Variants in ABCC4 observed in about 807,000 individuals in gnomAD.
ABCC4 encodes ATP-binding cassette sub-family C member 4.
A neutral mutation model predicts 168.5 loss-of-function variants in ABCC4; 102 were observed. The ratio of observed to expected loss-of-function variants is 0.61; its 90% CI spans 0.52 to 0.71. The LOEUF is 0.71. ABCC4 is among the 30% of genes least tolerant of loss of function. The pLI is 0.00. For missense variants in ABCC4, 1,402 were observed against 1,605.8 expected (o/e 0.87, Z 2.17); for synonymous variants, 617 against 590.7 (o/e 1.04, Z -0.65).
rs369259439 is a variant in ABCC4 at position 95,209,554 on chromosome 13, G to A, written c.665C>T (p.Ala222Val). The A allele has an allele frequency of 1.2e-5, 20 of 1,614,050 alleles. No homozygotes were observed. Among genetic ancestry groups the A allele is most frequent in the Non-Finnish European group, 1.6e-5 (19 of 1,179,948 alleles). The change falls in exon 6 of 31, where the codon GCG (alanine) becomes GTG (valine). Residue 222 changes from alanine (A) to valine (V), a missense_variant. By Grantham distance (64) the Ala-to-Val change is moderately conservative. Transcript: ENST00000645237. ...CCAGAGTAGGGCAGTCACTGCAATC[G>A]CCTGCAGTGGTCCTGCCCACAGGAA... Reference protein sequence around the residue: ...LHFLWAGPLQAIAVTALLWME... With the variant: ...LHFLWAGPLQVIAVTALLWME...
intron 13 of ABCC4, 28 bp downstream of exon 13, chr13:95,177,679 A>C: frequency 6.3e-7 from 1 of 1,583,568 alleles, no homozygotes; most frequent in Non-Finnish European, 8.6e-7. Flanking sequence ...GGAAAAGCAG[A>C]AATGACTTAA....
chr13:95,031,348 G>A (rs2031867770), intron 30 of ABCC4, among the ~76,000 whole-genome samples: 1 of 152,160 alleles, frequency 6.6e-6, no homozygotes, highest in Non-Finnish European at 1.5e-5. Context: ...CTGCATCTTG[G>A]ATACCAAATG....
intron 20 of ABCC4, among the ~76,000 whole-genome samples, chr13:95,098,568 C>A (rs1377486783): frequency 4.6e-5 from 7 of 152,112 alleles, no homozygotes; most frequent in African/African-American, 1.7e-4. Context: ...GCAAAAAGTT[C>A]TCCAGTGAAG....
intron 19 of ABCC4, among the ~76,000 whole-genome samples, chr13:95,157,383 C>T (rs1003685315): frequency 1.3e-5 from 2 of 151,480 alleles, no homozygotes; most frequent in African/African-American, 2.4e-5. Flanking sequence ...GTAATACCAA[C>T]TACTCAGGAG....
At chr13:95,072,466 C>T (rs1287224997) in intron 24 of ABCC4, among the ~76,000 whole-genome samples, 1 of 152,084 alleles carries the variant, frequency 6.6e-6, no homozygotes, top group Non-Finnish European at 1.5e-5. Context: ...TGTCCCCTCA[C>T]CCCTACCCCC....
intron 30 of ABCC4, among the ~76,000 whole-genome samples, chr13:95,025,271 CCCCA>C: frequency 1.5e-5 from 1 of 65,714 alleles, no homozygotes; most frequent in South Asian, 5.0e-4. Flanking sequence ...ACCCCCACAC[CCCCA>C]CACACACCCC....
intron 1 of ABCC4, among the ~76,000 whole-genome samples, chr13:95,258,077 C>T (rs1185802338): frequency 4.6e-5 from 7 of 152,140 alleles, no homozygotes; most frequent in Admixed American, 2.6e-4. Flanking sequence ...CCAACAAGAA[C>T]CCTTTCTCTC....
At chr13:95,039,172 T>C (rs1490801145) in intron 29 of ABCC4, among the ~76,000 whole-genome samples, 1 of 152,222 alleles carries the variant, frequency 6.6e-6, no homozygotes, top group Non-Finnish European at 1.5e-5. Context: ...TCAGATACTT[T>C]TGAATTTTGC....
chr13:95,125,113 A>G (rs1253601336), intron 19 of ABCC4, among the ~76,000 whole-genome samples: 1 of 152,066 alleles, frequency 6.6e-6, no homozygotes, highest in Non-Finnish European at 1.5e-5. Flanking sequence ...AGGCTCAGAG[A>G]CAGTAAGAAA....
intron 4 of ABCC4, among the ~76,000 whole-genome samples, chr13:95,213,065 T>A (rs9524830): frequency 0.75 from 112,933 of 151,450 alleles, 42,912 homozygotes; most frequent in Non-Finnish European, 0.84. Context: ...AGGCAGAGGC[T>A]GCAGTGAGCC....
At chr13:95,218,401 G>A (rs543718965) in intron 4 of ABCC4, among the ~76,000 whole-genome samples, 30 of 152,110 alleles carry the variant, frequency 2.0e-4, no homozygotes, top group Non-Finnish European at 3.4e-4. Context: ...CTCTAATTCT[G>A]TAAAAGAAAT....
chr13:95,036,079 A>G (rs879850254), intron 29 of ABCC4, among the ~76,000 whole-genome samples: 1 of 152,236 alleles, frequency 6.6e-6, no homozygotes, highest in Non-Finnish European at 1.5e-5. Flanking sequence ...ATAATTTGGC[A>G]TGCCAATTTA....
At chr13:95,098,691 A>G (rs994865451) in intron 20 of ABCC4, among the ~76,000 whole-genome samples, 1 of 152,236 alleles carries the variant, frequency 6.6e-6, no homozygotes, top group Non-Finnish European at 1.5e-5. Context: ...CTAAAAAATC[A>G]ACAAGATTTT....
intron 13 of ABCC4, among the ~76,000 whole-genome samples, chr13:95,177,014 G>C (rs1419688994): frequency 1.3e-5 from 2 of 152,210 alleles, no homozygotes; most frequent in African/African-American, 4.8e-5. Context: ...CACCACGTAA[G>C]AGTTGGGAGG....
chr13:95,280,162 G>A (rs2041080217), intron 1 of ABCC4, among the ~76,000 whole-genome samples: 1 of 151,970 alleles, frequency 6.6e-6, no homozygotes, highest in African/African-American at 2.4e-5. Context: ...GGAATCAAAA[G>A]GGCTAAGGCT....
chr13:95,069,553 C>T (rs1253453540), intron 25 of ABCC4, among the ~76,000 whole-genome samples: 1 of 152,046 alleles, frequency 6.6e-6, no homozygotes, highest in Admixed American at 6.6e-5. Flanking sequence ...CACCATCATC[C>T]ATCTCTAAAA....
intron 1 of ABCC4, among the ~76,000 whole-genome samples, chr13:95,279,625 GC>G (rs2041061958): frequency 6.6e-6 from 1 of 152,164 alleles, no homozygotes; most frequent in South Asian, 2.1e-4. Flanking sequence ...GTGGAAAGGG[GC>G]GAGGCAAGGC....
chr13:95,140,707 A>G (rs1446900610), intron 19 of ABCC4, among the ~76,000 whole-genome samples: 1 of 152,176 alleles, frequency 6.6e-6, no homozygotes, highest in Non-Finnish European at 1.5e-5. Context: ...CCCAGCTGAC[A>G]CGTTTGCAGT....
At chr13:95,069,306 GAC>G (rs2033648757) in intron 25 of ABCC4, among the ~76,000 whole-genome samples, 1 of 152,118 alleles carries the variant, frequency 6.6e-6, no homozygotes, top group Admixed American at 6.5e-5. Context: ...GGGGTACAGA[GAC>G]GAATATAAAA....
Sources: allele counts gnomAD v4.1 joint callset (sites outside exome capture counted in the v4.1 genomes callset), GRCh38; gene constraint gnomAD v4.1.1; transcripts MANE v1.5; gene names NCBI Gene and HGNC (gene_info 2026-07-23, HGNC 2026-07-21).